Variants in ENOX2 observed in about 807,000 individuals in gnomAD.
The protein encoded by ENOX2 is APK1 antigen.
ENOX2 carries 36 observed loss-of-function variants against 45.0 expected under a neutral mutation model. That is an observed-to-expected ratio of 0.80 (90% CI 0.61 to 1.06). ENOX2 has a LOEUF of 1.06. Ranked by LOEUF, ENOX2 falls within the 50% of genes least tolerant of loss-of-function variation. The probability of loss-of-function intolerance (pLI) is 0.00; values close to 1 mark genes in which losing one functional copy is unlikely to be tolerated. For missense variants in ENOX2, 423 were observed against 462.5 expected, an observed-to-expected ratio of 0.91 and a Z score of 0.78; for synonymous variants, 174 against 152.3, an observed-to-expected ratio of 1.14 and a Z score of -1.05.
chrX:130,896,809 C>T (rs1290961253), intron 2 of ENOX2, among the ~76,000 whole-genome samples: 3 of 111,854 alleles, frequency 2.7e-5, no homozygotes, highest in African/African-American at 9.8e-5. Context: ...TGGGTATTAT[C>T]TGTAAGGAAA....
At chrX:130,855,486 A>T (rs757944032) in intron 2 of ENOX2, among the ~76,000 whole-genome samples, 7 of 111,987 alleles carry the variant, frequency 6.3e-5, no homozygotes, top group Non-Finnish European at 1.3e-4. Flanking sequence ...AAGACAGAAC[A>T]TAGGAAAGAT....
intron 2 of ENOX2, among the ~76,000 whole-genome samples, chrX:130,901,210 C>T (rs772905290): frequency 8.9e-6 from 1 of 112,310 alleles, no homozygotes; most frequent in Non-Finnish European, 1.9e-5. Flanking sequence ...TCTCTCCTTA[C>T]CACAACTGGA....
intron 3 of ENOX2, among the ~76,000 whole-genome samples, chrX:130,754,662 C>A (rs756274696): frequency 1.8e-5 from 2 of 110,591 alleles, no homozygotes; most frequent in African/African-American, 6.6e-5. Context: ...TGCATTTTCT[C>A]ACTTATAAGT....
At chrX:130,724,416 T>C (rs2038557876) in intron 3 of ENOX2, among the ~76,000 whole-genome samples, 1 of 112,773 alleles carries the variant, frequency 8.9e-6, no homozygotes, top group Admixed American at 9.3e-5. Context: ...CATGTGGGCA[T>C]GTATGTCGGA....
At chrX:130,825,938 G>A (rs2077711348) in intron 2 of ENOX2, among the ~76,000 whole-genome samples, 1 of 110,440 alleles carries the variant, frequency 9.1e-6, no homozygotes, top group South Asian at 3.8e-4. Flanking sequence ...TTTTATTATT[G>A]GTTATTGTTG....
At chrX:130,635,902 C>T (rs553564110) in intron 11 of ENOX2, among the ~76,000 whole-genome samples, 23 of 111,941 alleles carry the variant, frequency 2.1e-4, no homozygotes, top group South Asian at 1.5e-3. Flanking sequence ...TTTTTTAAGA[C>T]GTAGAGACCT....
intron 2 of ENOX2, among the ~76,000 whole-genome samples, chrX:130,883,087 TGTTA>T (rs1030995713): frequency 2.7e-5 from 3 of 111,990 alleles, no homozygotes; most frequent in Admixed American, 1.9e-4. Flanking sequence ...TTTCAATAAA[TGTTA>T]GTTTGTTTTT....
chrX:130,666,547 A>G (rs955062645), intron 8 of ENOX2, among the ~76,000 whole-genome samples: 1 of 111,254 alleles, frequency 9.0e-6, no homozygotes, highest in Non-Finnish European at 1.9e-5. Context: ...ATCCAGAGGT[A>G]TTATTTTTTT....
chrX:130,840,823 C>T (rs1487270829), intron 2 of ENOX2, among the ~76,000 whole-genome samples: 2 of 111,613 alleles, frequency 1.8e-5, no homozygotes, highest in Non-Finnish European at 3.8e-5. Flanking sequence ...GCTGTAATCA[C>T]ACCACTGCAC....
intron 12 of ENOX2, among the ~76,000 whole-genome samples, chrX:130,633,808 C>G (rs975444059): frequency 8.9e-6 from 1 of 112,251 alleles, no homozygotes; most frequent in African/African-American, 3.2e-5. Flanking sequence ...TATGTGGCAG[C>G]TCTGGGACAC....
intron 3 of ENOX2, among the ~76,000 whole-genome samples, chrX:130,707,145 C>A (rs1347197033): frequency 8.9e-6 from 1 of 111,984 alleles, no homozygotes; most frequent in Non-Finnish European, 1.9e-5. Context: ...TGGCAGCAGC[C>A]AAGAATATTC....
intron 2 of ENOX2, among the ~76,000 whole-genome samples, chrX:130,891,206 GT>G (rs200395951): frequency 1.4e-3 from 153 of 106,552 alleles, no homozygotes; most frequent in African/African-American, 2.6e-3. Context: ...ATTTTAAAAA[GT>G]TTTTTTTTTA....
At chrX:130,720,374 TA>T (rs1253828775) in intron 3 of ENOX2, among the ~76,000 whole-genome samples, 6 of 112,512 alleles carry the variant, frequency 5.3e-5, no homozygotes, top group African/African-American at 1.9e-4. Flanking sequence ...ATTTGGGTTA[TA>T]AAGGGAGCTA....
At chrX:130,738,634 T>C (rs1311961818) in intron 3 of ENOX2, among the ~76,000 whole-genome samples, 1 of 112,365 alleles carries the variant, frequency 8.9e-6, no homozygotes, top group Non-Finnish European at 1.9e-5. Context: ...TCTCCTGACA[T>C]TTATTCACAA....
chrX:130,745,196 T>A (rs1285735611), intron 3 of ENOX2, among the ~76,000 whole-genome samples: 1 of 111,829 alleles, frequency 8.9e-6, no homozygotes, highest in African/African-American at 3.2e-5. Context: ...ATTTTACAGT[T>A]GAGAAAACAG....
At chrX:130,782,425 C>T (rs2076910854) in intron 3 of ENOX2, among the ~76,000 whole-genome samples, 1 of 111,488 alleles carries the variant, frequency 9.0e-6, no homozygotes, top group Admixed American at 9.6e-5. Flanking sequence ...AGAACTCAGG[C>T]CAGTTCCTTG....
chrX:130,770,095 G>A (rs1456067536), intron 3 of ENOX2, among the ~76,000 whole-genome samples: 4 of 111,453 alleles, frequency 3.6e-5, no homozygotes, highest in Non-Finnish European at 5.7e-5. Flanking sequence ...CTGGTGATAC[G>A]ATGTTAGAAT....
chrX:130,726,904 G>A (rs1216681528), intron 3 of ENOX2, among the ~76,000 whole-genome samples: 1 of 112,274 alleles, frequency 8.9e-6, no homozygotes, highest in East Asian at 2.8e-4. Flanking sequence ...TCTTTCTCAA[G>A]AGGGCCCCTG....
Position 130,727,014 on chromosome X carries a change from G to A in ENOX2, c.-38-23760C>T, listed in dbSNP as rs190779754. On this transcript the variant is annotated intron_variant, in intron 3 of 14. Coordinates refer to ENST00000394363, the MANE Select transcript of ENOX2 (RefSeq NM_006375.4). ...GCTTGTATTCCTTTTGTAGGCAGAA[G>A]CACTGGAGTAGGGAGGTGAGGCTGG... 2.4e-3 allele frequency among the ~76,000 whole-genome samples: 265 copies of A among 112,219 alleles called. 1 individual carries two copies. The highest frequency in any genetic ancestry group is 3.9e-3 in the Non-Finnish European group (206 of 53,266).
Sources: allele counts gnomAD v4.1 joint callset (sites outside exome capture counted in the v4.1 genomes callset), GRCh38; gene constraint gnomAD v4.1.1; transcripts MANE v1.5; gene names NCBI Gene and HGNC (gene_info 2026-07-23, HGNC 2026-07-21).